The following AAK1 variants were observed in gnomAD, a reference collection of about 807,000 sequenced individuals.
AAK1 encodes AP2-associated protein kinase 1.
AAK1 carries 37 observed loss-of-function variants against 116.0 expected under a neutral mutation model. That is an observed-to-expected ratio of 0.32 (90% CI 0.25 to 0.42). The LOEUF is 0.42. Ranked by LOEUF, AAK1 falls within the 10% of genes least tolerant of loss-of-function variation. AAK1 has a pLI of 1.00. For missense variants in AAK1, 919 were observed against 1,170.6 expected, an observed-to-expected ratio of 0.79 and a Z score of 3.14; for synonymous variants, 458 against 439.9, an observed-to-expected ratio of 1.04 and a Z score of -0.51.
intron 2 of AAK1, among the ~76,000 whole-genome samples, chr2:69,611,180 G>C (rs1025169357): frequency 2.0e-5 from 3 of 152,176 alleles, no homozygotes; most frequent in African/African-American, 7.2e-5. Flanking sequence ...CCCTCAATGT[G>C]GGTGGGCACC....
intron 2 of AAK1, among the ~76,000 whole-genome samples, chr2:69,612,330 C>A (rs2105219592): frequency 6.6e-6 from 1 of 152,310 alleles, no homozygotes; most frequent in South Asian, 2.1e-4. Flanking sequence ...GGTTTAGAGT[C>A]AGCAGTCCTT....
intron 3 of AAK1, among the ~76,000 whole-genome samples, chr2:69,546,736 G>A (rs1210788973): frequency 6.6e-6 from 1 of 152,122 alleles, no homozygotes; most frequent in African/African-American, 2.4e-5. Flanking sequence ...GTATTAAGAG[G>A]TGGGGCCTTT....
intron 21 of AAK1, 120 bp downstream of exon 21, chr2:69,476,760 T>C (rs1674873259): frequency 4.5e-6 from 3 of 661,792 alleles, no homozygotes; most frequent in Non-Finnish European, 7.9e-6. Flanking sequence ...ATGATTCTCA[T>C]TACACCCAAT....
intron 10 of AAK1, among the ~76,000 whole-genome samples, chr2:69,522,003 G>A (rs1669806626): frequency 6.6e-6 from 1 of 152,186 alleles, no homozygotes; most frequent in African/African-American, 2.4e-5. Context: ...ATACGCAGCT[G>A]TCACTTTGGA....
chr2:69,488,984 C>G (rs1445468895), intron 17 of AAK1, among the ~76,000 whole-genome samples: 4 of 151,638 alleles, frequency 2.6e-5, no homozygotes, highest in African/African-American at 7.3e-5. Flanking sequence ...ACTACAGATG[C>G]ATGCCACCAT....
At chr2:69,522,425 T>TATC (rs1164627450) in intron 10 of AAK1, among the ~76,000 whole-genome samples, 9 of 152,122 alleles carry the variant, frequency 5.9e-5, no homozygotes, top group Non-Finnish European at 1.0e-4. Flanking sequence ...ATATAAAGGC[T>TATC]ATCACATCTT....
At chr2:69,621,790 A>G (rs1305713437) in intron 2 of AAK1, among the ~76,000 whole-genome samples, 1 of 152,108 alleles carries the variant, frequency 6.6e-6, no homozygotes, top group Non-Finnish European at 1.5e-5. Flanking sequence ...AGTGGGTGCC[A>G]CTTCCATCTC....
chr2:69,525,931 CTG>C (rs1388818174), intron 9 of AAK1, among the ~76,000 whole-genome samples: 1 of 152,060 alleles, frequency 6.6e-6, no homozygotes, highest in Non-Finnish European at 1.5e-5. Flanking sequence ...TCGTTTTAAT[CTG>C]GGAAACCAAC....
chr2:69,519,825 C>A (rs1337507229), intron 11 of AAK1, among the ~76,000 whole-genome samples: 1 of 152,074 alleles, frequency 6.6e-6, no homozygotes, highest in African/African-American at 2.4e-5. Context: ...ATTAAAGAAA[C>A]AATATTCTTC....
Position 69,460,193 on chromosome 2 carries a change from G to C in AAK1, c.*15676C>G, listed in dbSNP as rs1674305777. The C allele has an allele frequency of 6.6e-6, 1 of 152,442 alleles. No individual in the cohort carries two copies. The highest frequency in any genetic ancestry group is 6.6e-5 in the Admixed American group (1 of 15,256). The allele number at this position is 152,442 out of a possible 1,614,324, so 9.4% of individuals were successfully genotyped here. ...GACTGGCACGTGTTCTCCAATTTCA[G>C]TTCCAAACACACAACACAGAATCAC... On this transcript the variant is annotated 3_prime_UTR_variant, in exon 22 of 22. Transcript: ENST00000409085.
intron 17 of AAK1, among the ~76,000 whole-genome samples, chr2:69,489,528 G>A (rs1396095300): frequency 6.6e-6 from 1 of 151,708 alleles, no homozygotes. Flanking sequence ...GGCCCATTCT[G>A]ACTCTGGTTA....
chr2:69,587,310 T>C (rs928417171), intron 2 of AAK1, among the ~76,000 whole-genome samples: 11 of 150,472 alleles, frequency 7.3e-5, no homozygotes, highest in African/African-American at 2.5e-4. Flanking sequence ...TACGCATGTA[T>C]ATATACGCAC....
chr2:69,469,683 T>A lies in AAK1; in HGVS notation c.*6186A>T, dbSNP rs1674611336. On this transcript the variant is annotated 3_prime_UTR_variant, in exon 22 of 22. Coordinates refer to ENST00000409085, the MANE Select transcript of AAK1 (RefSeq NM_014911.5). The stretch of plus-strand genomic sequence containing the variant: ...CTTCATAGTCTGCACAGGGTCTTAC[T>A]TATCATAGAGCCTAACGTAGGGTTT... 1 of 985,326 alleles carries A rather than the reference T, an allele frequency of 1.0e-6. No individual in the cohort carries two copies. The highest frequency in any genetic ancestry group is 1.7e-5 in the African/African-American group (1 of 57,250). The allele number at this position is 985,326 out of a possible 1,614,324, so 61.0% of individuals were successfully genotyped here.
chr2:69,468,821 A>AT lies in AAK1; in HGVS notation c.*7047_*7048insA. ...ATTCAGGGTTGGAGAGGATGGAAGA[A>AT]CATGTCTAACCCATCAAAATTATTT... On this transcript the variant is annotated 3_prime_UTR_variant, in exon 22 of 22. Transcript: ENST00000409085. 1.0e-6 allele frequency: 1 copy of AT among 985,440 alleles called. No individual in the cohort carries two copies. The highest frequency in any genetic ancestry group is 1.7e-5 in the African/African-American group (1 of 57,354). The allele number at this position is 985,440 out of a possible 1,614,324, so 61.0% of individuals were successfully genotyped here.
At chr2:69,584,001 C>T (rs1198988696) in intron 2 of AAK1, among the ~76,000 whole-genome samples, 2 of 152,216 alleles carry the variant, frequency 1.3e-5, no homozygotes, top group Admixed American at 1.3e-4. Flanking sequence ...CACCTGACCA[C>T]CCTTCCCTAA....
chr2:69,632,483 G>A (rs1265546280), intron 2 of AAK1, among the ~76,000 whole-genome samples: 1 of 152,232 alleles, frequency 6.6e-6, no homozygotes, highest in African/African-American at 2.4e-5. Flanking sequence ...GTAGTGCCAA[G>A]GTAGCACAAA....
chr2:69,587,382 TAC>T (rs35841972), intron 2 of AAK1, among the ~76,000 whole-genome samples: 80,473 of 150,082 alleles, frequency 0.54, 23,430 homozygotes, highest in East Asian at 0.77. Context: ...CACACATATA[TAC>T]ACACACGTGT....
intron 2 of AAK1, among the ~76,000 whole-genome samples, chr2:69,559,260 TCTCA>T (rs1397002764): frequency 9.4e-5 from 11 of 117,026 alleles, no homozygotes; most frequent in South Asian, 2.5e-4. Context: ...TCTCTCTCTC[TCTCA>T]CACACACACA....
At chr2:69,614,607 G>A (rs1052850167) in intron 2 of AAK1, among the ~76,000 whole-genome samples, 3 of 152,152 alleles carry the variant, frequency 2.0e-5, no homozygotes, top group African/African-American at 7.2e-5. Context: ...TCACCACTCT[G>A]GTAGGTTGAA....
Sources: gnomAD v4.1 joint callset for allele counts (sites outside exome capture counted in the v4.1 genomes callset) on GRCh38, gnomAD v4.1.1 for gene constraint, MANE v1.5 for transcripts, NCBI Gene and HGNC (gene_info 2026-07-23, HGNC 2026-07-21) for gene names.